SORCS2: variants seen among roughly 807,000 people sequenced by gnomAD.
SORCS2 encodes the protein VPS10 domain-containing receptor SorCS2.
Under a neutral mutation model 141.6 loss-of-function variants are expected in SORCS2, and 100 were observed. That is an observed-to-expected ratio of 0.71 (90% CI 0.60 to 0.83). The LOEUF is 0.83. Ranked by LOEUF, SORCS2 falls within the 40% of genes least tolerant of loss-of-function variation. SORCS2 has a pLI of 0.00. For synonymous variants in SORCS2, 789 were observed against 676.9 expected (o/e 1.17, Z -2.57); for missense variants, 1,646 against 1,560.2 (o/e 1.05, Z -0.93).
intron 5 of SORCS2, among the ~76,000 whole-genome samples, chr4:7,657,321 ATGAG>A (rs1259019748): frequency 8.5e-5 from 13 of 152,190 alleles, no homozygotes; most frequent in Non-Finnish European, 1.6e-4. Flanking sequence ...GAGTGAATAA[ATGAG>A]TGAATGAGTA....
chr4:7,602,224 T>C (rs12499411), intron 3 of SORCS2, among the ~76,000 whole-genome samples: 40,764 of 148,222 alleles, frequency 0.28, 5,737 homozygotes, highest in Middle Eastern at 0.32. Flanking sequence ...AGAGGGGCCC[T>C]CACCTCCCAG....
chr4:7,710,926 G>T (rs1268492889), intron 14 of SORCS2, among the ~76,000 whole-genome samples: 2 of 152,178 alleles, frequency 1.3e-5, no homozygotes, highest in African/African-American at 4.8e-5. Flanking sequence ...TGAACCCCAC[G>T]CACAGAGAAG....
chr4:7,520,931 C>A (rs1733288826), intron 2 of SORCS2, among the ~76,000 whole-genome samples: 1 of 152,226 alleles, frequency 6.6e-6, no homozygotes, highest in Admixed American at 6.5e-5. Context: ...CACCCCAACC[C>A]CTCTGGGGCA....
chr4:7,563,165 G>C (rs1452523579), intron 3 of SORCS2, among the ~76,000 whole-genome samples: 1 of 152,100 alleles, frequency 6.6e-6, no homozygotes, highest in African/African-American at 2.4e-5. Flanking sequence ...ATGGCAGAGT[G>C]GGGAGGAAAA....
chr4:7,413,940 T>G (rs1248562500), intron 2 of SORCS2, among the ~76,000 whole-genome samples: 3 of 152,022 alleles, frequency 2.0e-5, no homozygotes, highest in Non-Finnish European at 4.4e-5. Context: ...TGGCGTGGCT[T>G]TGGGTGTGTG....
At chr4:7,211,128 A>C (rs1257162637) in intron 1 of SORCS2, among the ~76,000 whole-genome samples, 1 of 151,632 alleles carries the variant, frequency 6.6e-6, no homozygotes, top group Non-Finnish European at 1.5e-5. Flanking sequence ...TTGAGTTCTC[A>C]TTCTACTGCA....
intron 2 of SORCS2, among the ~76,000 whole-genome samples, chr4:7,401,265 GGATA>G (rs923719608): frequency 3.9e-5 from 6 of 152,022 alleles, no homozygotes; most frequent in Non-Finnish European, 1.5e-5. Flanking sequence ...ATTGATGGAT[GGATA>G]GACAGATGAA....
At chr4:7,378,006 T>C (rs896269418) in intron 1 of SORCS2, among the ~76,000 whole-genome samples, 5 of 152,240 alleles carry the variant, frequency 3.3e-5, no homozygotes, top group African/African-American at 1.2e-4. Context: ...AGTCACAATA[T>C]ACCCCGATTT....
chr4:7,314,623 G>C (rs1718435291), intron 1 of SORCS2, among the ~76,000 whole-genome samples: 1 of 152,128 alleles, frequency 6.6e-6, no homozygotes, highest in East Asian at 1.9e-4. Flanking sequence ...ACAGGCGTGA[G>C]CCACCGCACC....
At chr4:7,565,509 AGAT>A (rs1413005774) in intron 3 of SORCS2, among the ~76,000 whole-genome samples, 18 of 152,234 alleles carry the variant, frequency 1.2e-4, no homozygotes, top group Non-Finnish European at 1.8e-4. Flanking sequence ...ATGATGATAA[AGAT>A]GATGATTATG....
intron 2 of SORCS2, among the ~76,000 whole-genome samples, chr4:7,416,120 G>T (rs1031824369): frequency 3.3e-5 from 5 of 152,206 alleles, no homozygotes; most frequent in African/African-American, 9.7e-5. Context: ...GATTAAGGAG[G>T]CCTCATGTGC....
intron 1 of SORCS2, among the ~76,000 whole-genome samples, chr4:7,255,375 G>A (rs1393567492): frequency 1.3e-5 from 2 of 152,184 alleles, no homozygotes; most frequent in African/African-American, 2.4e-5. Flanking sequence ...GCAGACGCAG[G>A]AGCCTCAGTA....
chr4:7,389,924 C>T (rs1315121752), intron 1 of SORCS2, among the ~76,000 whole-genome samples: 1 of 151,976 alleles, frequency 6.6e-6, no homozygotes, highest in African/African-American at 2.4e-5. Flanking sequence ...GGGTGCGGGC[C>T]TCCCTCCTGG....
At chr4:7,677,453 G>A (rs915098051) in intron 9 of SORCS2, among the ~76,000 whole-genome samples, 2 of 152,258 alleles carry the variant, frequency 1.3e-5, no homozygotes, top group African/African-American at 4.8e-5. Flanking sequence ...ACATAAGCAG[G>A]AAAACCAGGA....
At chr4:7,712,109 T>C (rs1265572458) in intron 14 of SORCS2, among the ~76,000 whole-genome samples, 1 of 152,196 alleles carries the variant, frequency 6.6e-6, no homozygotes, top group Non-Finnish European at 1.5e-5. Context: ...CTCCCTATTC[T>C]GTCTTCCGCC....
intron 5 of SORCS2, among the ~76,000 whole-genome samples, chr4:7,660,690 G>A (rs560898172): frequency 6.6e-5 from 10 of 152,310 alleles, no homozygotes; most frequent in South Asian, 4.1e-4. Flanking sequence ...TCACAGACCC[G>A]TTCTGTCCCT....
intron 1 of SORCS2, among the ~76,000 whole-genome samples, chr4:7,361,778 C>A (rs1413998588): frequency 2.6e-5 from 4 of 151,240 alleles, no homozygotes; most frequent in African/African-American, 9.7e-5. Flanking sequence ...AAAAAAAAAA[C>A]ACAACGAACG....
intron 3 of SORCS2, among the ~76,000 whole-genome samples, chr4:7,577,648 A>G (rs1482888324): frequency 2.7e-5 from 4 of 149,464 alleles, no homozygotes; most frequent in African/African-American, 9.9e-5. Context: ...AGCTAGTGCC[A>G]TGGTTTGGAG....
chr4:7,388,122 A>G (rs1723593951), intron 1 of SORCS2, among the ~76,000 whole-genome samples: 1 of 151,158 alleles, frequency 6.6e-6, no homozygotes, highest in Non-Finnish European at 1.5e-5. Flanking sequence ...ATGCACACAC[A>G]TGTGCACACA....
Sources: gnomAD v4.1 joint callset for allele counts (sites outside exome capture counted in the v4.1 genomes callset) on GRCh38, gnomAD v4.1.1 for gene constraint, MANE v1.5 for transcripts, NCBI Gene and HGNC (gene_info 2026-07-23, HGNC 2026-07-21) for gene names.